The following MYT1L variants were observed in gnomAD, a reference collection of about 807,000 sequenced individuals.
MYT1L encodes myelin transcription factor 1 like, also known as myelin transcription factor 1-like protein.
Under a neutral mutation model 126.7 loss-of-function variants are expected in MYT1L, and 12 were observed. The observed-to-expected ratio is 0.09, with a 90% CI of 0.06 to 0.15. The LOEUF is 0.15. Ranked by LOEUF, MYT1L falls within the 10% of genes least tolerant of loss-of-function variation. The pLI, the probability that MYT1L is intolerant of heterozygous loss-of-function variation, is 1.00. For synonymous variants in MYT1L, 541 were observed against 604.2 expected, an observed-to-expected ratio of 0.90 and a Z score of 1.53; for missense variants, 979 against 1,585.2, an observed-to-expected ratio of 0.62 and a Z score of 6.49.
In MYT1L at chr2:2,078,169, T is replaced by C. The variant is rs114078359; in HGVS notation, c.-303-24046A>G. Among the ~76,000 whole-genome samples, 972 of 152,014 alleles carry C rather than the reference T, an allele frequency of 6.4e-3. 9 individuals carry two copies. The highest frequency in any genetic ancestry group is 0.023 in the African/African-American group (934 of 41,460). On this transcript the variant is annotated intron_variant, in intron 3 of 24. Coordinates refer to ENST00000647738, the MANE Select transcript of MYT1L (RefSeq NM_001303052.2). ...TAACTGTAATTTCCAGGGAAATTAA[T>C]GAGAGAGAAAAATTAAAATTATTAA...
At chr2:2,237,519 G>GT (rs748755990) in intron 2 of MYT1L, among the ~76,000 whole-genome samples, 46 of 152,170 alleles carry the variant, frequency 3.0e-4, no homozygotes, top group Non-Finnish European at 5.6e-4. Flanking sequence ...ACAAAAAGCA[G>GT]TTTTTGTAAG....
intron 8 of MYT1L, among the ~76,000 whole-genome samples, chr2:1,958,084 C>T (rs1031848499): frequency 6.6e-6 from 1 of 152,138 alleles, no homozygotes; most frequent in African/African-American, 2.4e-5. Flanking sequence ...GCAGCCATGC[C>T]TGGTCACTGC....
chr2:2,271,783 T>G (rs2095268181), intron 2 of MYT1L, among the ~76,000 whole-genome samples: 1 of 152,164 alleles, frequency 6.6e-6, no homozygotes, highest in South Asian at 2.1e-4. Context: ...GCCAGCTCCC[T>G]GGACAAGGAT....
At chr2:2,241,554 A>T (rs551433822) in intron 2 of MYT1L, among the ~76,000 whole-genome samples, 1 of 152,314 alleles carries the variant, frequency 6.6e-6, no homozygotes, top group African/African-American at 2.4e-5. Flanking sequence ...TTTTATTTAT[A>T]GGAACACATA....
intron 9 of MYT1L, among the ~76,000 whole-genome samples, 175 bp from the exon 10 acceptor site, chr2:1,923,438 G>A (rs1002339070): frequency 3.9e-5 from 6 of 152,152 alleles, no homozygotes; most frequent in African/African-American, 1.4e-4. Flanking sequence ...TAAAGAAAAC[G>A]GATGTTGCTA....
chr2:2,163,348 C>T (rs57985300), intron 3 of MYT1L, among the ~76,000 whole-genome samples: 4 of 152,276 alleles, frequency 2.6e-5, no homozygotes, highest in African/African-American at 7.2e-5. Flanking sequence ...AGCAAATCAT[C>T]AGTTGCAAAT....
chr2:2,141,368 T>C (rs2083949510), intron 3 of MYT1L, among the ~76,000 whole-genome samples: 1 of 152,204 alleles, frequency 6.6e-6, no homozygotes, highest in South Asian at 2.1e-4. Flanking sequence ...CCCGTGGCTG[T>C]AACACATTTC....
chr2:2,177,180 C>T (rs903800278), intron 2 of MYT1L, among the ~76,000 whole-genome samples: 41 of 152,170 alleles, frequency 2.7e-4, no homozygotes, highest in Non-Finnish European at 5.4e-4. Context: ...CTTGTTGTGT[C>T]GGGAATTTGG....
At chr2:2,181,248 G>A (rs1056877795) in intron 2 of MYT1L, among the ~76,000 whole-genome samples, 1 of 151,904 alleles carries the variant, frequency 6.6e-6, no homozygotes, top group African/African-American at 2.4e-5. Context: ...ATATCTGTGT[G>A]TGCACATGTA....
intron 2 of MYT1L, among the ~76,000 whole-genome samples, chr2:2,205,965 ATTTCT>A (rs200696838): frequency 2.9e-4 from 43 of 149,950 alleles, no homozygotes; most frequent in African/African-American, 6.7e-4. Context: ...CTGTCCCATA[ATTTCT>A]TTTCTTTTCT....
At chr2:2,119,248 A>G (rs1363216735) in intron 3 of MYT1L, among the ~76,000 whole-genome samples, 2 of 152,236 alleles carry the variant, frequency 1.3e-5, no homozygotes, top group African/African-American at 4.8e-5. Flanking sequence ...GGAATAAATA[A>G]CACTTGTAAT....
At chr2:1,980,218 A>G (rs1314968831) in intron 5 of MYT1L, among the ~76,000 whole-genome samples, 1 of 147,806 alleles carries the variant, frequency 6.8e-6, no homozygotes, top group Non-Finnish European at 1.5e-5. Flanking sequence ...ATATTTATAT[A>G]TATAACATAT....
At chr2:1,985,843 T>C (rs2060972409) in intron 5 of MYT1L, among the ~76,000 whole-genome samples, 1 of 152,184 alleles carries the variant, frequency 6.6e-6, no homozygotes, top group South Asian at 2.1e-4. Context: ...CCACCCAGGA[T>C]AGCACTAATT....
At chr2:1,969,254 A>G (rs1355571743) in intron 8 of MYT1L, among the ~76,000 whole-genome samples, 1 of 152,162 alleles carries the variant, frequency 6.6e-6, no homozygotes, top group Non-Finnish European at 1.5e-5. Flanking sequence ...GGAACGCCCC[A>G]CCACCGTTAT....
At chr2:2,259,368 C>T (rs1184677370) in intron 2 of MYT1L, among the ~76,000 whole-genome samples, 1 of 125,794 alleles carries the variant, frequency 7.9e-6, no homozygotes, top group African/African-American at 3.5e-5. Context: ...ACAATGTGCA[C>T]ATGTACCCTA....
chr2:1,805,621 T>C (rs11685947), intron 22 of MYT1L, among the ~76,000 whole-genome samples: 95,134 of 151,872 alleles, frequency 0.63, 30,145 homozygotes, highest in South Asian at 0.79. Flanking sequence ...CATAGTGGCT[T>C]ACACCTGTAA....
intron 3 of MYT1L, among the ~76,000 whole-genome samples, chr2:2,151,933 G>A (rs1219190398): frequency 6.6e-6 from 1 of 152,152 alleles, no homozygotes; most frequent in Non-Finnish European, 1.5e-5. Context: ...GCAGGTGCCT[G>A]TAATCCCAGC....
intron 4 of MYT1L, among the ~76,000 whole-genome samples, chr2:2,019,993 C>T (rs775175091): frequency 1.6e-4 from 24 of 152,186 alleles, no homozygotes; most frequent in Non-Finnish European, 2.5e-4. Context: ...TACAGGTGTG[C>T]GCCACTGCAC....
intron 21 of MYT1L, among the ~76,000 whole-genome samples, chr2:1,832,623 C>T (rs1458747084): frequency 6.6e-6 from 1 of 152,188 alleles, no homozygotes; most frequent in Non-Finnish European, 1.5e-5. Context: ...AACGGCTCAA[C>T]GTGTCTGCCT....
Sources: gnomAD v4.1 joint callset for allele counts (sites outside exome capture counted in the v4.1 genomes callset) on GRCh38, gnomAD v4.1.1 for gene constraint, MANE v1.5 for transcripts, NCBI Gene and HGNC (gene_info 2026-07-23, HGNC 2026-07-21) for gene names.